The following DGKB variants were observed in gnomAD, a reference collection of about 807,000 sequenced individuals.
DGKB encodes diacylglycerol kinase beta.
Under a neutral mutation model 114.3 loss-of-function variants are expected in DGKB, and 67 were observed. The observed-to-expected ratio is 0.59, with a 90% CI of 0.48 to 0.72. The LOEUF is 0.72. Ranked by LOEUF, DGKB falls within the 30% of genes least tolerant of loss-of-function variation. The pLI is 0.00. For missense variants in DGKB, 907 were observed against 975.2 expected (o/e 0.93, Z 0.93); for synonymous variants, 398 against 323.1 (o/e 1.23, Z -2.49).
At chr7:14,685,425 C>T (rs1442052490) in intron 9 of DGKB, 63 bp from the exon 10 acceptor site, 2 of 1,229,616 alleles carry the variant, frequency 1.6e-6, no homozygotes, top group South Asian at 1.2e-5. Flanking sequence ...GATGTAAGTG[C>T]CAATGAAATT....
At chr7:14,262,915 C>G (rs567378688) in intron 23 of DGKB, among the ~76,000 whole-genome samples, 9 of 152,152 alleles carry the variant, frequency 5.9e-5, no homozygotes, top group Admixed American at 5.9e-4. Context: ...ATCATTCCCA[C>G]CAAGAGGTAG....
intron 23 of DGKB, among the ~76,000 whole-genome samples, chr7:14,299,078 C>A (rs988361970): frequency 6.6e-6 from 1 of 152,068 alleles, no homozygotes; most frequent in Non-Finnish European, 1.5e-5. Context: ...AATAGGAATG[C>A]CTTTACACTG....
chr7:14,620,477 T>C (rs1328486962), intron 15 of DGKB, among the ~76,000 whole-genome samples: 2 of 151,368 alleles, frequency 1.3e-5, no homozygotes, highest in African/African-American at 4.8e-5. Context: ...AGAAATAAAA[T>C]AAGAAATAAA....
intron 1 of DGKB, among the ~76,000 whole-genome samples, chr7:14,845,177 T>A (rs1848483812): frequency 6.7e-6 from 1 of 149,062 alleles, no homozygotes; most frequent in Admixed American, 6.7e-5. Context: ...ATCCCCCAGT[T>A]CATTATGAGA....
chr7:14,778,419 A>G (rs908887094), intron 2 of DGKB, among the ~76,000 whole-genome samples: 1 of 152,166 alleles, frequency 6.6e-6, no homozygotes, highest in African/African-American at 2.4e-5. Context: ...TATGTGCTAC[A>G]CGCTCCACAT....
At position 14,512,592 on chromosome 7, in the gene DGKB, C is replaced by T. The variant is rs534594309; in HGVS notation, c.1771-34367G>A. ...TCTTAAATCATTCCTATAGACGTCTCAGGTTTTAGAATCTGACTTCCAGCC... is the reference window on the plus strand; with the variant it reads ...TCTTAAATCATTCCTATAGACGTCTTAGGTTTTAGAATCTGACTTCCAGCC... On this transcript the variant is annotated intron_variant, in intron 20 of 25. Transcript: ENST00000402815. Among the ~76,000 whole-genome samples, 6 of 152,104 alleles carry T rather than the reference C, an allele frequency of 3.9e-5. No homozygotes were observed. The East Asian group carries it at 9.7e-4, about 25-fold the overall frequency.
chr7:14,418,325 A>G (rs1826067095), intron 21 of DGKB, among the ~76,000 whole-genome samples: 1 of 87,708 alleles, frequency 1.1e-5, no homozygotes, highest in African/African-American at 3.6e-5. Context: ...GTATGTATAT[A>G]TGTATATATA....
intron 2 of DGKB, among the ~76,000 whole-genome samples, chr7:14,805,331 G>C (rs1018645311): frequency 3.9e-5 from 6 of 152,022 alleles, no homozygotes; most frequent in African/African-American, 1.4e-4. Context: ...TAGTGAAAGT[G>C]GGAATAAACC....
intron 1 of DGKB, among the ~76,000 whole-genome samples, chr7:14,860,393 C>T (rs1280696166): frequency 3.3e-5 from 5 of 152,090 alleles, no homozygotes; most frequent in Admixed American, 2.0e-4. Flanking sequence ...CATACATTCA[C>T]GTCTTCCATT....
intron 2 of DGKB, among the ~76,000 whole-genome samples, chr7:14,838,956 A>T: frequency 6.6e-6 from 1 of 152,038 alleles, no homozygotes; most frequent in East Asian, 1.9e-4. Context: ...TTCCTTTGTC[A>T]TTTACCTTAA....
At chr7:14,313,693 CG>C (rs1487291195) in intron 23 of DGKB, among the ~76,000 whole-genome samples, 1 of 152,010 alleles carries the variant, frequency 6.6e-6, no homozygotes, top group Non-Finnish European at 1.5e-5. Context: ...AAGGCGGCAG[CG>C]AGGCTGGGGG....
chr7:14,738,157 A>G (rs1832027602), intron 4 of DGKB, among the ~76,000 whole-genome samples: 1 of 152,262 alleles, frequency 6.6e-6, no homozygotes, highest in Non-Finnish European at 1.5e-5. Context: ...ATTAAAGAGA[A>G]GTATTCCACA....
intron 4 of DGKB, among the ~76,000 whole-genome samples, chr7:14,740,246 T>G (rs1417501994): frequency 6.6e-6 from 1 of 151,940 alleles, no homozygotes; most frequent in Non-Finnish European, 1.5e-5. Context: ...CCTTTTTTTT[T>G]TTTTTTTCTC....
intron 20 of DGKB, among the ~76,000 whole-genome samples, chr7:14,479,860 C>T (rs987967614): frequency 6.6e-6 from 1 of 151,956 alleles, no homozygotes; most frequent in African/African-American, 2.4e-5. Context: ...ACTTGGAATA[C>T]CTTCCAATTA....
intron 21 of DGKB, among the ~76,000 whole-genome samples, chr7:14,352,471 T>C (rs768077373): frequency 6.7e-6 from 1 of 149,980 alleles, no homozygotes; most frequent in Non-Finnish European, 1.5e-5. Context: ...GGAAAAAGTA[T>C]ATAAGCAGTA....
chr7:14,221,198 C>G (rs1045183547), intron 23 of DGKB, among the ~76,000 whole-genome samples: 1 of 151,002 alleles, frequency 6.6e-6, no homozygotes, highest in East Asian at 1.9e-4. Flanking sequence ...CCTAATTGCC[C>G]TAGCTGGAAC....
At position 14,540,101 on chromosome 7, in the gene DGKB, C is replaced by T. The variant is rs949286938; in HGVS notation, c.1770+34111G>A. ...ATGCACAGACCCTGTACTTAGTCTT[C>T]CAAGGAAGAAGCTAATGATATTATG... On this transcript the variant is annotated intron_variant, in intron 20 of 25. Coordinates refer to ENST00000402815, the MANE Select transcript of DGKB (RefSeq NM_001350709.2). Among the ~76,000 whole-genome samples, 4 of 151,644 alleles carry T rather than the reference C, an allele frequency of 2.6e-5. No individual in the cohort carries two copies. In the South Asian group the frequency reaches 6.2e-4, roughly 24 times the overall value.
chr7:14,540,703 C>G (rs527860895), intron 20 of DGKB, among the ~76,000 whole-genome samples: 1 of 152,092 alleles, frequency 6.6e-6, no homozygotes, highest in Admixed American at 6.6e-5. Flanking sequence ...TGATTTATTT[C>G]AAGTTTTGTT....
chr7:14,289,091 T>C (rs1801336331), intron 23 of DGKB, among the ~76,000 whole-genome samples: 1 of 152,202 alleles, frequency 6.6e-6, no homozygotes, highest in African/African-American at 2.4e-5. Context: ...AGACATATTG[T>C]TTATTATAGA....
Sources: allele counts gnomAD v4.1 joint callset (sites outside exome capture counted in the v4.1 genomes callset), GRCh38; gene constraint gnomAD v4.1.1; transcripts MANE v1.5; gene names NCBI Gene and HGNC (gene_info 2026-07-23, HGNC 2026-07-21).